The following CDC42SE2 variants were observed in gnomAD, a reference collection of about 807,000 sequenced individuals.
CDC42SE2 encodes the protein CDC42 small effector 2.
CDC42SE2 carries 3 observed loss-of-function variants against 11.5 expected under a neutral mutation model. The observed-to-expected ratio is 0.26, with a 90% CI of 0.12 to 0.67. The LOEUF is 0.67. Ranked by LOEUF, CDC42SE2 falls within the 30% of genes least tolerant of loss-of-function variation. The pLI is 0.80. For missense variants in CDC42SE2, 82 were observed against 106.8 expected (o/e 0.77, Z 1.02); for synonymous variants, 33 against 34.8 (o/e 0.95, Z 0.18).
chr5:131,330,940 T>C (rs1336731829), intron 2 of CDC42SE2, among the ~76,000 whole-genome samples: 1 of 151,914 alleles, frequency 6.6e-6, no homozygotes, highest in Non-Finnish European at 1.5e-5. Flanking sequence ...GCGAGAGAAT[T>C]GTTTGAGCCC....
At chr5:131,218,174 CAAAAAAAA>C in the CDC42SE2 span, among the ~76,000 whole-genome samples, 5 of 74,772 alleles carry the variant, frequency 6.7e-5, no homozygotes, top group East Asian at 1.4e-3. Flanking sequence ...GACCCTGTCT[CAAAAAAAA>C]AAAAAAAAAA....
chr5:131,318,772 T>TA (rs1280401959), intron 2 of CDC42SE2, among the ~76,000 whole-genome samples: 2 of 152,220 alleles, frequency 1.3e-5, no homozygotes, highest in African/African-American at 4.8e-5. Flanking sequence ...TTCTAGCTGA[T>TA]ACATCTTTCT....
intron 1 of CDC42SE2, among the ~76,000 whole-genome samples, chr5:131,277,757 C>T (rs1580726888): frequency 6.6e-6 from 1 of 152,296 alleles, no homozygotes; most frequent in South Asian, 2.1e-4. Flanking sequence ...TTAAATATCA[C>T]CTCCTGCTTC....
Position 131,333,938 on chromosome 5 carries a change from G to A in CDC42SE2, c.-286+17794G>A, listed in dbSNP as rs543934222. Among the ~76,000 whole-genome samples, 27 of 152,144 alleles carry A rather than the reference G, an allele frequency of 1.8e-4. No individual in the cohort carries two copies. In the East Asian group the frequency reaches 3.5e-3, roughly 20 times the overall value. ...GGACAATTTGACTTCCTCTTTTCCT[G>A]ATTGAATACCCTTTATTCCCTTCTC... On this transcript the variant is annotated intron_variant, in intron 2 of 4. Transcript: ENST00000505065.
chr5:131,229,824 C>T, the CDC42SE2 span, among the ~76,000 whole-genome samples: 2 of 152,138 alleles, frequency 1.3e-5, 1 homozygote, highest in South Asian at 4.1e-4. Flanking sequence ...GTCCCAGCTA[C>T]TCAGGGAGCT....
rs924212948 is a variant in CDC42SE2, at chr5:131,264,070, C to A, written c.-551C>A. On this transcript the variant is annotated 5_prime_UTR_variant, in exon 1 of 5. In the 5' UTR this introduces an upstream ATG that the reference lacks. Coordinates refer to ENST00000505065, the MANE Select transcript of CDC42SE2 (RefSeq NM_001375635.1). The stretch of plus-strand genomic sequence containing the variant: ...GGGGAGCCAGGAAGCTGCGAGCGCG[C>A]TGGGGAGCGCAGCTGCAGGCGTTGG... The A allele has an allele frequency of 6.6e-6, 1 of 152,018 alleles. No individual in the cohort carries two copies. Among genetic ancestry groups the A allele is most frequent in the Non-Finnish European group, 1.5e-5 (1 of 68,024 alleles). The allele number at this position is 152,018 out of a possible 1,614,324, so 9.4% of individuals were successfully genotyped here. A position where few individuals can be genotyped will look rare whatever the true frequency, so the allele number is the denominator to read the frequency against.
the CDC42SE2 span, among the ~76,000 whole-genome samples, chr5:131,214,765 C>A: frequency 6.6e-6 from 1 of 152,142 alleles, no homozygotes; most frequent in Non-Finnish European, 1.5e-5. Flanking sequence ...TGAGGGCAGG[C>A]CTGCCCCAGG....
intron 3 of CDC42SE2, among the ~76,000 whole-genome samples, chr5:131,363,798 C>A (rs1470801753): frequency 2.7e-5 from 4 of 150,118 alleles, no homozygotes; most frequent in Admixed American, 6.7e-5. Context: ...TAGGTTCAGA[C>A]AATTCTCCTG....
chr5:131,383,702 C>G (rs749426803), intron 3 of CDC42SE2, among the ~76,000 whole-genome samples: 15 of 152,162 alleles, frequency 9.9e-5, no homozygotes, highest in Non-Finnish European at 1.2e-4. Context: ...AGCCTGTCAC[C>G]TGTTTTTGTA....
chr5:131,242,823 G>A (rs1288091701), upstream of CDC42SE2, among the ~76,000 whole-genome samples: 1 of 152,124 alleles, frequency 6.6e-6, no homozygotes, highest in Admixed American at 6.6e-5. Flanking sequence ...GGTAAGTAAT[G>A]GTGCCTGAAC....
chr5:131,304,354 G>C (rs1224572955), intron 1 of CDC42SE2, among the ~76,000 whole-genome samples: 1 of 152,084 alleles, frequency 6.6e-6, no homozygotes, highest in Non-Finnish European at 1.5e-5. Context: ...CAGTATAAAT[G>C]ACAGGTAGAT....
In CDC42SE2 at chr5:131,358,524, A is replaced by G. The variant is rs556515445; in HGVS notation, c.-285-685A>G. 3.9e-5 allele frequency among the ~76,000 whole-genome samples: 6 copies of G among 152,314 alleles called. No homozygotes were observed. The South Asian group carries it at 8.3e-4, about 21-fold the overall frequency. On this transcript the variant is annotated intron_variant, in intron 2 of 4. Transcript: ENST00000505065. ...AAAAATAGGTTTAACTCTTTGTCCA[A>G]CTGCAGATAGAACATTGCCTGACAA... is the stretch of plus-strand genomic sequence containing the variant.
intron 2 of CDC42SE2, among the ~76,000 whole-genome samples, chr5:131,316,494 G>T (rs759896343): frequency 1.3e-5 from 2 of 152,180 alleles, no homozygotes; most frequent in African/African-American, 2.4e-5. Flanking sequence ...GTTGTGGTAG[G>T]TCTCATTCTC....
rs144237142 is a variant in CDC42SE2 at position 131,369,352 on chromosome 5, C to T, written c.54+9805C>T. ...CAGTTCTTTTGATAAACCTAGTACG[C>T]GACTATTATGCACAATGCTCTTTTG... On this transcript the variant is annotated intron_variant, in intron 3 of 4. Transcript: ENST00000505065. Among the ~76,000 whole-genome samples the T allele has an allele frequency of 2.8e-3, 423 of 152,216 alleles. 15 individuals are homozygous for T. The East Asian group carries it at 0.069, about 25-fold the overall frequency.
intron 1 of CDC42SE2, among the ~76,000 whole-genome samples, chr5:131,270,533 G>A (rs571284269): frequency 1.4e-4 from 21 of 152,206 alleles, no homozygotes; most frequent in Admixed American, 8.5e-4. Flanking sequence ...GGAATTTATG[G>A]GTATCTGTGG....
At chr5:131,325,669 AT>A (rs982269990) in intron 2 of CDC42SE2, among the ~76,000 whole-genome samples, 5 of 152,036 alleles carry the variant, frequency 3.3e-5, no homozygotes, top group African/African-American at 1.2e-4. Flanking sequence ...TATCATGTTC[AT>A]TTTTTACCCA....
chr5:131,371,761 T>C (rs2149780340), intron 3 of CDC42SE2, among the ~76,000 whole-genome samples: 1 of 152,342 alleles, frequency 6.6e-6, no homozygotes, highest in South Asian at 2.1e-4. Flanking sequence ...TTTATCCAAA[T>C]AGAAATGAAC....
At chr5:131,240,949 GTTTTGT>G (rs71000979), upstream of CDC42SE2, among the ~76,000 whole-genome samples, 46,406 of 149,060 alleles carry the variant, frequency 0.31, 10,043 homozygotes, top group African/African-American at 0.62. Context: ...GGTTTTATGG[GTTTTGT>G]TTTTGTTTTT....
chr5:131,306,551 CAA>C (rs1757782031), intron 1 of CDC42SE2, among the ~76,000 whole-genome samples: 2 of 152,206 alleles, frequency 1.3e-5, no homozygotes, highest in Non-Finnish European at 2.9e-5. Context: ...TTGTTTTGCT[CAA>C]GATTGCTTTG....
Sources: allele counts gnomAD v4.1 joint callset (sites outside exome capture counted in the v4.1 genomes callset), GRCh38; gene constraint gnomAD v4.1.1; transcripts MANE v1.5; gene names NCBI Gene and HGNC (gene_info 2026-07-23, HGNC 2026-07-21).